PM20D2: variants seen among roughly 807,000 people sequenced by gnomAD.
PM20D2 encodes the protein peptidase M20 domain containing 2.
In PM20D2, 33 loss-of-function variants were observed where a neutral mutation model predicts 42.9. That is an observed-to-expected ratio of 0.77 (90% CI 0.58 to 1.03). The LOEUF is 1.03. Ranked by LOEUF, PM20D2 falls within the 50% of genes least tolerant of loss-of-function variation. The probability of loss-of-function intolerance (pLI) is 0.00; values close to 1 mark genes in which losing one functional copy is unlikely to be tolerated. For synonymous variants in PM20D2, 250 were observed against 228.2 expected (o/e 1.10, Z -0.86); for missense variants, 548 against 557.0 (o/e 0.98, Z 0.16).
upstream of PM20D2, among the ~76,000 whole-genome samples, chr6:89,144,770 G>T (rs193038484): frequency 1.3e-5 from 2 of 152,176 alleles, no homozygotes; most frequent in African/African-American, 4.8e-5. Context: ...ATTGGATCTC[G>T]TGGATACAGG....
At chr6:89,151,800 C>T (rs994364830) in intron 2 of PM20D2, among the ~76,000 whole-genome samples, 11 of 151,962 alleles carry the variant, frequency 7.2e-5, no homozygotes, top group African/African-American at 2.4e-4. Flanking sequence ...GATGAAATTC[C>T]GGTTTTGCCA....
At chr6:89,145,913 C>T (rs1770514881), upstream of PM20D2, 6 of 393,160 alleles carry the variant, frequency 1.5e-5, no homozygotes, top group Non-Finnish European at 2.7e-5. Flanking sequence ...CTCCACAGCA[C>T]CCCCAAAACC....
In PM20D2 at chr6:89,162,081, GA is replaced by G. The variant is rs771375422; in HGVS notation, c.1157-27del. ...ATTAAATACAGCTTAAATAAGTAAG[GA>G]GGTATTTTATTTTCTCTACCTTTTA... On this transcript the variant is annotated intron_variant, in intron 6 of 6. Transcript: ENST00000275072. 22 of 1,592,540 alleles carry G rather than the reference GA, an allele frequency of 1.4e-5. No homozygotes were observed. The Admixed American group carries it at 2.7e-4, about 20-fold the overall frequency.
chr6:89,117,813 G>C, the PM20D2 span: 3 of 1,549,794 alleles, frequency 1.9e-6, no homozygotes, highest in South Asian at 3.6e-5. Context: ...CTGCAGCCGC[G>C]GCCGTTCACC....
chr6:89,106,015 G>C, the PM20D2 span: 1 of 152,220 alleles, frequency 6.6e-6, no homozygotes, highest in Non-Finnish European at 1.5e-5. Flanking sequence ...ATTTAAGAGA[G>C]ATTACTTATA....
chr6:89,099,130 T>C, the PM20D2 span, among the ~76,000 whole-genome samples: 16 of 152,062 alleles, frequency 1.1e-4, no homozygotes, highest in African/African-American at 3.6e-4. Flanking sequence ...TTTGTAATAT[T>C]TGTTATACTA....
chr6:89,164,712 G>A lies in PM20D2; in HGVS notation c.*2449G>A, dbSNP rs1402699156. ...TACAAGTTGGAAATTGTAGAAAACT[G>A]AAAGAAAACAAGACAAAATGTCTAT... On this transcript the variant is annotated 3_prime_UTR_variant, in exon 7 of 7. Transcript: ENST00000275072. 6.6e-6 allele frequency: 1 copy of A among 152,308 alleles called. No homozygotes were observed. The highest frequency in any genetic ancestry group is 1.5e-5 in the Non-Finnish European group (1 of 67,956). 9.4% of individuals were successfully genotyped at this position (152,308 alleles called of 1,614,324 possible).
At chr6:89,119,220 T>C in the PM20D2 span, among the ~76,000 whole-genome samples, 1 of 152,172 alleles carries the variant, frequency 6.6e-6, no homozygotes, top group South Asian at 2.1e-4. Flanking sequence ...CCCCTAGAGC[T>C]TAGAATTTGG....
chr6:89,158,998 G>A (rs939437846), intron 5 of PM20D2, among the ~76,000 whole-genome samples: 1 of 152,124 alleles, frequency 6.6e-6, no homozygotes, highest in Non-Finnish European at 1.5e-5. Flanking sequence ...GGACTTGGTG[G>A]TGAAAATGGG....
the PM20D2 span, among the ~76,000 whole-genome samples, chr6:89,104,223 CTT>C: frequency 8.1e-5 from 10 of 123,542 alleles, no homozygotes; most frequent in African/African-American, 1.9e-4. Flanking sequence ...AACTCATCAC[CTT>C]TTTTTTTTTT....
chr6:89,116,318 G>A, the PM20D2 span, among the ~76,000 whole-genome samples: 1 of 152,072 alleles, frequency 6.6e-6, no homozygotes, highest in Non-Finnish European at 1.5e-5. Flanking sequence ...CAACTGCAAG[G>A]TTTTTTAATT....
At chr6:89,139,604 G>A in the PM20D2 span, among the ~76,000 whole-genome samples, 1 of 152,192 alleles carries the variant, frequency 6.6e-6, no homozygotes, top group African/African-American at 2.4e-5. Flanking sequence ...AGCTACTCTG[G>A]ATGCTGAGGT....
chr6:89,146,049 G>T, upstream of PM20D2: 1 of 1,108,724 alleles, frequency 9.0e-7, no homozygotes, highest in African/African-American at 1.6e-5. Context: ...GCGCTCCGCC[G>T]GGGTCCTGGA....
the PM20D2 span, among the ~76,000 whole-genome samples, chr6:89,132,802 C>T: frequency 6.6e-6 from 1 of 150,926 alleles, no homozygotes; most frequent in Non-Finnish European, 1.5e-5. Flanking sequence ...TGCGTCACTG[C>T]ACTCCAGCCT....
At chr6:89,097,918 T>C in the PM20D2 span, 1 of 152,222 alleles carries the variant, frequency 6.6e-6, no homozygotes, top group African/African-American at 2.4e-5. Flanking sequence ...CCAGTATTTC[T>C]CAAAAGTTCT....
Position 89,162,517 on chromosome 6 carries a change from G to A in PM20D2, c.*254G>A, listed in dbSNP as rs1247299026. 6.9e-5 allele frequency: 21 copies of A among 304,138 alleles called. No homozygotes were observed. Among genetic ancestry groups the A allele is most frequent in the Admixed American group, 3.3e-4 (7 of 21,480 alleles). The allele number at this position is 304,138 out of a possible 1,614,324, so 18.8% of individuals were successfully genotyped here. A position where few individuals can be genotyped will look rare whatever the true frequency, so the allele number is the denominator to read the frequency against. ...GCCATTCTTTCTTTTTTTTTACCCC[G>A]CAACCACTCACCTTCACAGTAGTGA... On this transcript the variant is annotated 3_prime_UTR_variant, in exon 7 of 7. Coordinates refer to ENST00000275072, the MANE Select transcript of PM20D2 (RefSeq NM_001010853.3).
chr6:89,162,183 A>C lies in PM20D2; in HGVS notation c.1231A>C (p.Lys411Gln). ...LAMTALDVIFKPELLEGIRED... is the reference protein window; with the variant it reads ...LAMTALDVIFQPELLEGIRED... The stretch of plus-strand genomic sequence containing the variant: ...AATGACGGCACTGGATGTTATTTTT[A>C]AACCAGAGTTACTGGAAGGAATCAG... Residue 411 changes from lysine to glutamine, a missense_variant, in exon 7 of 7, where the codon AAA (lysine) becomes CAA (glutamine). Transcript: ENST00000275072. The C allele has an allele frequency of 6.2e-7, 1 of 1,614,082 alleles. No individual in the cohort carries two copies. Among genetic ancestry groups the C allele is most frequent in the South Asian group, 1.1e-5 (1 of 91,082 alleles).
chr6:89,123,523 C>T, the PM20D2 span, among the ~76,000 whole-genome samples: 2 of 148,876 alleles, frequency 1.3e-5, no homozygotes, highest in Admixed American at 6.7e-5. Context: ...GAGTTTGAGA[C>T]TAGTCTGGGC....
At chr6:89,116,844 T>G in the PM20D2 span, among the ~76,000 whole-genome samples, 70 of 152,020 alleles carry the variant, frequency 4.6e-4, no homozygotes, top group African/African-American at 1.6e-3. Flanking sequence ...TAAATTATAA[T>G]ACTCATCTCA....
Sources: gnomAD v4.1 joint callset for allele counts (sites outside exome capture counted in the v4.1 genomes callset) on GRCh38, gnomAD v4.1.1 for gene constraint, MANE v1.5 for transcripts, NCBI Gene and HGNC (gene_info 2026-07-23, HGNC 2026-07-21) for gene names.